The following ATG7 variants were observed in gnomAD, a reference collection of about 807,000 sequenced individuals.
ATG7 encodes ubiquitin-like modifier-activating enzyme ATG7.
A neutral mutation model predicts 82.4 loss-of-function variants in ATG7; 70 were observed. The observed-to-expected ratio is 0.85, with a 90% CI of 0.70 to 1.04. The LOEUF (loss-of-function observed/expected upper bound fraction) is 1.04, where lower values mean the gene tolerates loss of function less well. ATG7 is among the 50% of genes least tolerant of loss of function. ATG7 has a pLI of 0.00. For missense variants in ATG7, 792 were observed against 864.3 expected (o/e 0.92, Z 1.05); for synonymous variants, 287 against 313.0 (o/e 0.92, Z 0.88).
intron 18 of ATG7, among the ~76,000 whole-genome samples, chr3:11,365,678 C>G (rs2076555443): frequency 6.6e-6 from 1 of 152,184 alleles, no homozygotes. Flanking sequence ...CTCTCTTCCT[C>G]CTCGCCACCC....
chr3:11,336,517 A>G (rs1218007791), intron 11 of ATG7, among the ~76,000 whole-genome samples: 2 of 152,188 alleles, frequency 1.3e-5, no homozygotes, highest in Non-Finnish European at 2.9e-5. Context: ...CTTAGCTGTA[A>G]ATAAAACTTT....
chr3:11,344,748 T>C (rs907641087), intron 13 of ATG7, among the ~76,000 whole-genome samples: 5 of 152,004 alleles, frequency 3.3e-5, no homozygotes, highest in African/African-American at 4.8e-5. Context: ...CGCGTGCCTG[T>C]AGTTGCAGCT....
intron 19 of ATG7, among the ~76,000 whole-genome samples, chr3:11,422,137 C>T (rs2081985707): frequency 6.6e-6 from 1 of 152,194 alleles, no homozygotes; most frequent in South Asian, 2.1e-4. Context: ...ACTTAAAAGT[C>T]ACCAGCTGTT....
chr3:11,558,311 T>G (rs2072624400), downstream of ATG7: 1 of 616,956 alleles, frequency 1.6e-6, no homozygotes, highest in Non-Finnish European at 2.7e-6. Flanking sequence ...AGGCAGGAAG[T>G]AAGGATGCTA....
intron 1 of ATG7, among the ~76,000 whole-genome samples, chr3:11,279,265 G>A (rs534164680): frequency 6.6e-6 from 1 of 152,242 alleles, no homozygotes; most frequent in Non-Finnish European, 1.5e-5. Context: ...TCAACATTCT[G>A]CAGTGTGCAG....
chr3:11,535,088 C>A (rs983890265), intron 20 of ATG7, among the ~76,000 whole-genome samples: 1 of 152,238 alleles, frequency 6.6e-6, no homozygotes, highest in Non-Finnish European at 1.5e-5. Flanking sequence ...AAAGGCCCAG[C>A]GGATTCTTCC....
At chr3:11,543,407 T>A in intron 20 of ATG7, among the ~76,000 whole-genome samples, 1 of 152,218 alleles carries the variant, frequency 6.6e-6, no homozygotes, top group East Asian at 1.9e-4. Flanking sequence ...TGCTCCCATC[T>A]TCCCCCCTGC....
chr3:11,400,081 C>T (rs2079684430), intron 19 of ATG7, among the ~76,000 whole-genome samples: 1 of 152,204 alleles, frequency 6.6e-6, no homozygotes, highest in South Asian at 2.1e-4. Context: ...ATCATTTACA[C>T]TGTTCTTTAT....
At chr3:11,358,991 G>C (rs2076113074) in intron 15 of ATG7, among the ~76,000 whole-genome samples, 1 of 152,106 alleles carries the variant, frequency 6.6e-6, no homozygotes, top group South Asian at 2.1e-4. Flanking sequence ...TGATGGAATA[G>C]TATGCAGCCA....
chr3:11,525,100 G>A (rs999937319), intron 20 of ATG7, among the ~76,000 whole-genome samples: 5 of 151,758 alleles, frequency 3.3e-5, no homozygotes, highest in Non-Finnish European at 7.4e-5. Context: ...GCAGTGGCGC[G>A]ATCTCAGCCC....
In ATG7 at chr3:11,441,945, C is replaced by T. The variant is rs1225184529; in HGVS notation, c.2079+15019C>T. Among the ~76,000 whole-genome samples the T allele has an allele frequency of 2.6e-5, 4 of 152,074 alleles. No individual in the cohort carries two copies. The South Asian group carries it at 8.3e-4, about 31-fold the overall frequency. On this transcript the variant is annotated intron_variant, in intron 20 of 20. Coordinates refer to ENST00000693202, the MANE Select transcript of ATG7 (RefSeq NM_001349232.2). Reference sequence around the variant, plus strand: ...CCTCCCAAAGTGCTGGGATTACAGGCGTGAGCCACCGCGCCTGGCCCAATT... The same window carrying T: ...CCTCCCAAAGTGCTGGGATTACAGGTGTGAGCCACCGCGCCTGGCCCAATT...
rs141721827 is a variant in ATG7 at position 11,357,839 on chromosome 3, T to C, written c.1285-579T>C. Reference sequence around the variant, plus strand: ...AGCCTGGGCAACATAGTGAGACCTATCTCTACTAAAAATTAAAAAATCAGC... The same window carrying C: ...AGCCTGGGCAACATAGTGAGACCTACCTCTACTAAAAATTAAAAAATCAGC... On this transcript the variant is annotated intron_variant, in intron 14 of 20. Transcript: ENST00000693202. Among the ~76,000 whole-genome samples, 374 of 151,580 alleles carry C rather than the reference T, an allele frequency of 2.5e-3. 3 individuals are homozygous for C. Among genetic ancestry groups the C allele is most frequent in the African/African-American group, 8.6e-3 (356 of 41,322 alleles).
intron 20 of ATG7, among the ~76,000 whole-genome samples, chr3:11,492,529 G>A (rs78726015): frequency 1.3e-5 from 2 of 152,092 alleles, no homozygotes; most frequent in South Asian, 2.1e-4. Flanking sequence ...TGAGGGACTC[G>A]TGACAGGGGT....
chr3:11,437,760 G>A (rs1384127342), intron 20 of ATG7, among the ~76,000 whole-genome samples: 6 of 152,106 alleles, frequency 3.9e-5, no homozygotes, highest in Admixed American at 6.5e-5. Flanking sequence ...ATACTTGCTC[G>A]TTTTCTCTTT....
intron 11 of ATG7, among the ~76,000 whole-genome samples, chr3:11,334,724 G>A (rs1157177138): frequency 1.3e-5 from 2 of 151,342 alleles, no homozygotes; most frequent in Admixed American, 6.6e-5. Context: ...TTGGGAGGCC[G>A]AGGCGGGTGG....
At chr3:11,520,807 A>G (rs772099685) in intron 20 of ATG7, among the ~76,000 whole-genome samples, 2 of 152,184 alleles carry the variant, frequency 1.3e-5, no homozygotes, top group Non-Finnish European at 2.9e-5. Context: ...GCATTTAATA[A>G]TAATAAAGAA....
intron 7 of ATG7, among the ~76,000 whole-genome samples, chr3:11,311,625 T>G (rs1477392177): frequency 3.3e-5 from 5 of 151,930 alleles, no homozygotes; most frequent in Non-Finnish European, 7.4e-5. Flanking sequence ...AAAAAAGATT[T>G]TGTGAGTTTC....
chr3:11,422,700 C>G (rs2082034308), intron 19 of ATG7, among the ~76,000 whole-genome samples: 1 of 130,204 alleles, frequency 7.7e-6, no homozygotes, highest in African/African-American at 3.0e-5. Context: ...CATGTCTCAG[C>G]TTTTGACATG....
At chr3:11,425,713 G>A (rs942707942) in intron 19 of ATG7, among the ~76,000 whole-genome samples, 1 of 151,976 alleles carries the variant, frequency 6.6e-6, no homozygotes, top group African/African-American at 2.4e-5. Flanking sequence ...TAAGTCTTCT[G>A]TTCAACTTAA....
Sources: gnomAD v4.1 joint callset for allele counts (sites outside exome capture counted in the v4.1 genomes callset) on GRCh38, gnomAD v4.1.1 for gene constraint, MANE v1.5 for transcripts, NCBI Gene and HGNC (gene_info 2026-07-23, HGNC 2026-07-21) for gene names.